The following PLD5 variants were observed in gnomAD, a reference collection of about 807,000 sequenced individuals.
PLD5 encodes phospholipase D family member 5, also known as inactive phospholipase D5.
A neutral mutation model predicts 61.1 loss-of-function variants in PLD5; 36 were observed. The ratio of observed to expected loss-of-function variants is 0.59; its 90% CI spans 0.45 to 0.78. PLD5 has a LOEUF of 0.78. Ranked by LOEUF, PLD5 falls within the 30% of genes least tolerant of loss-of-function variation. The pLI is 0.00. For missense variants in PLD5, 515 were observed against 644.4 expected (o/e 0.80, Z 2.17); for synonymous variants, 243 against 242.8 (o/e 1.00, Z -0.01).
At chr1:242,271,014 A>G (rs1674031461) in intron 3 of PLD5, among the ~76,000 whole-genome samples, 1 of 152,138 alleles carries the variant, frequency 6.6e-6, no homozygotes, top group African/African-American at 2.4e-5. Context: ...GAACTAAAAC[A>G]CAATATGTGC....
intron 3 of PLD5, among the ~76,000 whole-genome samples, chr1:242,271,327 A>T (rs952152309): frequency 1.0e-4 from 15 of 144,110 alleles, no homozygotes; most frequent in Non-Finnish European, 2.2e-4. Context: ...AAAAAAGATT[A>T]GGTTTGCAAA....
At chr1:242,407,021 C>T (rs1293594633) in intron 1 of PLD5, among the ~76,000 whole-genome samples, 2 of 152,092 alleles carry the variant, frequency 1.3e-5, no homozygotes, top group South Asian at 2.1e-4. Flanking sequence ...GGCTGTGTCC[C>T]CATCCAAATC....
chr1:242,368,303 G>A (rs752095616), intron 1 of PLD5, among the ~76,000 whole-genome samples: 3 of 144,166 alleles, frequency 2.1e-5, no homozygotes, highest in Non-Finnish European at 4.6e-5. Flanking sequence ...CTGCATTCTG[G>A]AACTGCCCAA....
intron 2 of PLD5, among the ~76,000 whole-genome samples, chr1:242,323,247 T>C (rs1658535816): frequency 6.6e-6 from 1 of 152,212 alleles, no homozygotes; most frequent in Non-Finnish European, 1.5e-5. Context: ...ATTTGTATCA[T>C]AAAATTATGA....
intron 1 of PLD5, among the ~76,000 whole-genome samples, chr1:242,490,125 G>A (rs1340519784): frequency 1.3e-5 from 2 of 152,190 alleles, no homozygotes; most frequent in Non-Finnish European, 2.9e-5. Context: ...CATGAGTTCT[G>A]ATGCCTCAAT....
chr1:242,103,410 C>T (rs374872549), intron 8 of PLD5, among the ~76,000 whole-genome samples: 3 of 152,224 alleles, frequency 2.0e-5, no homozygotes, highest in Non-Finnish European at 4.4e-5. Context: ...TGCATGCACT[C>T]ATTCAACATG....
intron 1 of PLD5, among the ~76,000 whole-genome samples, chr1:242,394,958 AATATATATGATT>A (rs1558527799): frequency 1.4e-5 from 1 of 69,732 alleles, no homozygotes; most frequent in Non-Finnish European, 2.9e-5. Context: ...ATTATATATG[AATATATATGATT>A]ATATATGAAT....
chr1:242,393,282 A>G (rs1663056270), intron 1 of PLD5, among the ~76,000 whole-genome samples: 1 of 50,220 alleles, frequency 2.0e-5, no homozygotes, highest in Non-Finnish European at 3.5e-5. Context: ...GAGTATATAT[A>G]TGTGTATATA....
chr1:242,173,090 A>G (rs1439500561), intron 5 of PLD5, among the ~76,000 whole-genome samples: 2 of 152,162 alleles, frequency 1.3e-5, no homozygotes, highest in Non-Finnish European at 1.5e-5. Context: ...AGGGTATTCA[A>G]TTAGGAAAAG....
At chr1:242,335,768 A>C (rs1379171450) in intron 2 of PLD5, among the ~76,000 whole-genome samples, 2 of 152,216 alleles carry the variant, frequency 1.3e-5, no homozygotes, top group Non-Finnish European at 2.9e-5. Flanking sequence ...ATGCACAAAT[A>C]ATCAATTTTC....
At chr1:242,380,977 G>C (rs1032714932) in intron 1 of PLD5, among the ~76,000 whole-genome samples, 1 of 152,190 alleles carries the variant, frequency 6.6e-6, no homozygotes, top group Non-Finnish European at 1.5e-5. Flanking sequence ...AACCATTGCG[G>C]AAGACAGTGT....
At chr1:242,457,238 G>C (rs145837871) in intron 1 of PLD5, among the ~76,000 whole-genome samples, 1 of 152,118 alleles carries the variant, frequency 6.6e-6, no homozygotes, top group African/African-American at 2.4e-5. Context: ...GTATTCCTTA[G>C]AGCCCACAAG....
At chr1:242,286,472 C>G (rs1400744873) in intron 3 of PLD5, among the ~76,000 whole-genome samples, 1 of 152,126 alleles carries the variant, frequency 6.6e-6, no homozygotes, top group African/African-American at 2.4e-5. Flanking sequence ...GAAAATAGCC[C>G]TTATCACCAG....
At chr1:242,236,653 A>C (rs185656080) in intron 4 of PLD5, among the ~76,000 whole-genome samples, 58 of 152,372 alleles carry the variant, frequency 3.8e-4, no homozygotes, top group Middle Eastern at 3.4e-3. Flanking sequence ...TTTATTCTAC[A>C]ACAAAACAGA....
chr1:242,187,966 C>T (rs573198525), intron 5 of PLD5, among the ~76,000 whole-genome samples: 3 of 152,184 alleles, frequency 2.0e-5, no homozygotes, highest in African/African-American at 4.8e-5. Context: ...CTAGAGGTTT[C>T]TGAGTGCTAG....
At chr1:242,507,696 C>T (rs1263226649) in intron 1 of PLD5, among the ~76,000 whole-genome samples, 1 of 152,164 alleles carries the variant, frequency 6.6e-6, no homozygotes, top group African/African-American at 2.4e-5. Flanking sequence ...GCTAAAACAA[C>T]ACAGTTCCAA....
At chr1:242,346,019 C>CT (rs1337554915) in intron 2 of PLD5, among the ~76,000 whole-genome samples, 2 of 100,658 alleles carry the variant, frequency 2.0e-5, no homozygotes, top group Non-Finnish European at 4.0e-5. Context: ...GATCTCCCCC[C>CT]CCCCCATATA....
At chr1:242,284,323 G>C (rs1674898844) in intron 3 of PLD5, among the ~76,000 whole-genome samples, 1 of 151,478 alleles carries the variant, frequency 6.6e-6, no homozygotes, top group Non-Finnish European at 1.5e-5. Context: ...TTTTAGTACA[G>C]ACGGGGTTTC....
At chr1:242,462,775 A>G (rs1475063645) in intron 1 of PLD5, among the ~76,000 whole-genome samples, 1 of 151,910 alleles carries the variant, frequency 6.6e-6, no homozygotes, top group Non-Finnish European at 1.5e-5. Context: ...CTTTGAGACC[A>G]TTCATTCTCC....
Sources: allele counts gnomAD v4.1 joint callset (sites outside exome capture counted in the v4.1 genomes callset), GRCh38; gene constraint gnomAD v4.1.1; transcripts MANE v1.5; gene names NCBI Gene and HGNC (gene_info 2026-07-23, HGNC 2026-07-21).